SEMA5B: variants seen among roughly 807,000 people sequenced by gnomAD.
SEMA5B encodes the protein semaphorin 5B, also known as semaphorin-5B.
Under a neutral mutation model 135.0 loss-of-function variants are expected in SEMA5B, and 66 were observed. The ratio of observed to expected loss-of-function variants is 0.49; its 90% CI spans 0.40 to 0.60. The LOEUF (loss-of-function observed/expected upper bound fraction) is 0.60, where lower values mean the gene tolerates loss of function less well. SEMA5B is among the 20% of genes least tolerant of loss of function. SEMA5B has a pLI of 0.00. For synonymous variants in SEMA5B, 690 were observed against 639.5 expected (o/e 1.08, Z -1.19); for missense variants, 1,501 against 1,566.3 (o/e 0.96, Z 0.70).
chr3:122,913,188 G>A lies in SEMA5B; in HGVS notation c.2506+11C>T. On this transcript the variant is annotated intron_variant, in intron 17 of 22. Coordinates refer to ENST00000357599, the MANE Select transcript of SEMA5B (RefSeq NM_001031702.4). ...GGAGAGAGGAAGGAGGGGGCGCCGG[G>A]CGCGGGGTACCGTCGGTGTCGCAGG... is the stretch of plus-strand genomic sequence containing the variant. 6.4e-7 allele frequency: 1 copy of A among 1,551,862 alleles called. No individual in the cohort carries two copies. Among genetic ancestry groups the A allele is most frequent in the Non-Finnish European group, 8.6e-7 (1 of 1,158,798 alleles).
At chr3:123,012,785 A>T (rs906814856) in intron 1 of SEMA5B, among the ~76,000 whole-genome samples, 4 of 151,898 alleles carry the variant, frequency 2.6e-5, no homozygotes, top group Non-Finnish European at 4.4e-5. Context: ...TCATCCTTCC[A>T]CCCCAGTCCT....
At chr3:122,986,698 G>C (rs1443854982) in intron 1 of SEMA5B, among the ~76,000 whole-genome samples, 4 of 150,184 alleles carry the variant, frequency 2.7e-5, no homozygotes, top group East Asian at 2.0e-4. Context: ...CACACACACA[G>C]ACACACACAC....
At chr3:122,920,943 A>G (rs1388096995) in intron 12 of SEMA5B, among the ~76,000 whole-genome samples, 1 of 152,228 alleles carries the variant, frequency 6.6e-6, no homozygotes, top group Non-Finnish European at 1.5e-5. Flanking sequence ...TGTCTCGCTG[A>G]TGGAGACTTG....
chr3:122,915,424 C>A lies in SEMA5B; in HGVS notation c.1988+16G>T, dbSNP rs1171848085. 6.9e-6 allele frequency: 11 copies of A among 1,597,876 alleles called. No homozygotes were observed. The highest frequency in any genetic ancestry group is 1.7e-4 in the Middle Eastern group (1 of 5,960). On this transcript the variant is annotated intron_variant, in intron 14 of 22. Transcript: ENST00000357599. ...TGGTCCAAGGCAGACACCATGTAAACCCTGTCCTCACATACCTGGAGCAGT... is the reference window on the plus strand; with the variant it reads ...TGGTCCAAGGCAGACACCATGTAAAACCTGTCCTCACATACCTGGAGCAGT...
At chr3:122,992,337 G>A (rs2107723303) in intron 1 of SEMA5B, among the ~76,000 whole-genome samples, 1 of 152,336 alleles carries the variant, frequency 6.6e-6, no homozygotes, top group South Asian at 2.1e-4. Context: ...TGACAGCGTG[G>A]GAGGAGGGAT....
chr3:122,943,414 C>T (rs375282078), intron 4 of SEMA5B, 22 bp downstream of exon 4: 20 of 1,542,862 alleles, frequency 1.3e-5, no homozygotes, highest in African/African-American at 2.7e-5. Context: ...CTTCCCACCC[C>T]GACCCTTCTG....
chr3:122,946,707 A>G (rs1939805724), intron 3 of SEMA5B, among the ~76,000 whole-genome samples: 1 of 152,102 alleles, frequency 6.6e-6, no homozygotes, highest in African/African-American at 2.4e-5. Context: ...AGGTACGCAG[A>G]GGAAACTCTT....
At chr3:123,019,425 C>T (rs1269216795) in intron 1 of SEMA5B, among the ~76,000 whole-genome samples, 2 of 152,048 alleles carry the variant, frequency 1.3e-5, no homozygotes, top group Non-Finnish European at 1.5e-5. Context: ...CCCGTCTCTA[C>T]ATGAAACACA....
chr3:122,916,006 T>C (rs1938059448), intron 12 of SEMA5B, 116 bp from the exon 13 acceptor site: 2 of 745,038 alleles, frequency 2.7e-6, no homozygotes, highest in Non-Finnish European at 4.7e-6. Flanking sequence ...TTGTCCTCCA[T>C]GATAATAATG....
chr3:123,006,946 C>G (rs562994063), intron 1 of SEMA5B, among the ~76,000 whole-genome samples: 18 of 152,304 alleles, frequency 1.2e-4, no homozygotes, highest in African/African-American at 4.3e-4. Flanking sequence ...TCCAGCCTCT[C>G]TTTGCATCCC....
chr3:123,008,948 C>T (rs1445476677), intron 1 of SEMA5B, among the ~76,000 whole-genome samples: 1 of 152,168 alleles, frequency 6.6e-6, no homozygotes, highest in Non-Finnish European at 1.5e-5. Context: ...AGAGCAGTGC[C>T]CTGCCTCCCA....
chr3:122,961,089 C>T, intron 2 of SEMA5B, 51 bp downstream of exon 2: 1 of 1,535,370 alleles, frequency 6.5e-7, no homozygotes, highest in Non-Finnish European at 8.8e-7. Flanking sequence ...CCTGCTCTCC[C>T]CTCAGTCTGG....
intron 1 of SEMA5B, among the ~76,000 whole-genome samples, chr3:123,021,593 G>T (rs1320276413): frequency 6.6e-6 from 1 of 152,184 alleles, no homozygotes; most frequent in Non-Finnish European, 1.5e-5. Flanking sequence ...GGCTAGGGCA[G>T]TAGGGAGGGA....
chr3:122,931,191 C>T (rs569003761), intron 5 of SEMA5B, among the ~76,000 whole-genome samples: 28 of 152,282 alleles, frequency 1.8e-4, no homozygotes, highest in Middle Eastern at 3.4e-3. Context: ...ACCTTCACCT[C>T]TTTTAGTTGT....
At chr3:122,978,968 G>C (rs1000624131) in intron 1 of SEMA5B, among the ~76,000 whole-genome samples, 1 of 152,166 alleles carries the variant, frequency 6.6e-6, no homozygotes, top group Non-Finnish European at 1.5e-5. Flanking sequence ...CCCAGGTCTT[G>C]CTTGGCCATC....
At position 122,950,069 on chromosome 3, in the gene SEMA5B, G is replaced by A. The variant is rs145776766; in HGVS notation, c.125-1360C>T. On this transcript the variant is annotated intron_variant, in intron 2 of 22. Coordinates refer to ENST00000357599, the MANE Select transcript of SEMA5B (RefSeq NM_001031702.4). ...GGACAGTGAGCAAGATGAATTCATC[G>A]GGTGATTATAGAACTTCTAGGAATC... is the stretch of plus-strand genomic sequence containing the variant. Among the ~76,000 whole-genome samples, 471 of 152,238 alleles carry A rather than the reference G, an allele frequency of 3.1e-3. 3 individuals are homozygous for A. Among genetic ancestry groups the A allele is most frequent in the African/African-American group, 9.1e-3 (376 of 41,522 alleles).
intron 5 of SEMA5B, among the ~76,000 whole-genome samples, chr3:122,932,115 T>C (rs1158569395): frequency 1.3e-5 from 2 of 152,222 alleles, no homozygotes; most frequent in Non-Finnish European, 2.9e-5. Flanking sequence ...GTTTCCCTTT[T>C]TTGAACAATG....
intron 2 of SEMA5B, among the ~76,000 whole-genome samples, chr3:122,959,999 G>GT (rs1443391290): frequency 6.6e-6 from 1 of 152,200 alleles, no homozygotes; most frequent in Non-Finnish European, 1.5e-5. Context: ...ATTCATTAGA[G>GT]TAGCCTCCTT....
At chr3:122,935,348 T>C (rs1237215408) in intron 5 of SEMA5B, among the ~76,000 whole-genome samples, 1 of 151,554 alleles carries the variant, frequency 6.6e-6, no homozygotes, top group Non-Finnish European at 1.5e-5. Flanking sequence ...GGAAGTAGAC[T>C]TTCGTCTGAT....
Sources: allele counts gnomAD v4.1 joint callset (sites outside exome capture counted in the v4.1 genomes callset), GRCh38; gene constraint gnomAD v4.1.1; transcripts MANE v1.5; gene names NCBI Gene and HGNC (gene_info 2026-07-23, HGNC 2026-07-21).